The following METTL15 variants were observed in gnomAD, a reference collection of about 807,000 sequenced individuals.
The protein encoded by METTL15 is 12S rRNA N(4)-cytidine methyltransferase METTL15.
In METTL15, 34 loss-of-function variants were observed where a neutral mutation model predicts 38.3. The ratio of observed to expected loss-of-function variants is 0.89; its 90% CI spans 0.68 to 1.18. The LOEUF (loss-of-function observed/expected upper bound fraction) is 1.18. METTL15 is among the 50% of genes most tolerant of loss of function. The pLI is 0.00. For missense variants in METTL15, 438 were observed against 498.4 expected, an observed-to-expected ratio of 0.88 and a Z score of 1.15; for synonymous variants, 162 against 170.9, an observed-to-expected ratio of 0.95 and a Z score of 0.41.
intron 5 of METTL15, among the ~76,000 whole-genome samples, chr11:28,372,686 G>C (rs1021842434): frequency 1.3e-5 from 2 of 149,802 alleles, no homozygotes; most frequent in Middle Eastern, 3.2e-3. Flanking sequence ...AGTTACATAT[G>C]TATACATGTG....
At chr11:28,474,005 TAG>T (rs1851324329) in intron 6 of METTL15, among the ~76,000 whole-genome samples, 1 of 152,016 alleles carries the variant, frequency 6.6e-6, no homozygotes, top group African/African-American at 2.4e-5. Context: ...TGAAAGACTC[TAG>T]AGTATGTCAG....
intron 3 of METTL15, among the ~76,000 whole-genome samples, chr11:28,189,602 C>T (rs1347720235): frequency 2.6e-5 from 4 of 151,094 alleles, no homozygotes; most frequent in African/African-American, 7.3e-5. Flanking sequence ...GTAAATAACA[C>T]AGGCCAGTTT....
chr11:28,244,838 GC>G (rs1854445422), intron 4 of METTL15, among the ~76,000 whole-genome samples: 1 of 152,180 alleles, frequency 6.6e-6, no homozygotes, highest in African/African-American at 2.4e-5. Context: ...CCTGGCTGGG[GC>G]CGAAGCTATG....
At chr11:28,139,979 C>T (rs556131321) in intron 3 of METTL15, among the ~76,000 whole-genome samples, 35 of 152,020 alleles carry the variant, frequency 2.3e-4, no homozygotes, top group African/African-American at 7.2e-4. Flanking sequence ...AGACCCATGG[C>T]GGGAGTTGGT....
intron 6 of METTL15, among the ~76,000 whole-genome samples, chr11:28,514,027 C>T (rs1006938404): frequency 2.6e-5 from 4 of 152,142 alleles, no homozygotes; most frequent in Non-Finnish European, 2.9e-5. Flanking sequence ...TGGAGAAACT[C>T]GAGGGAAGGT....
intron 5 of METTL15, among the ~76,000 whole-genome samples, chr11:28,388,924 A>T (rs532911917): frequency 6.6e-6 from 1 of 151,946 alleles, no homozygotes; most frequent in African/African-American, 2.4e-5. Context: ...GAGTGAGAAC[A>T]TGCAGTGTTC....
chr11:28,245,144 T>C (rs1369507714), intron 4 of METTL15, among the ~76,000 whole-genome samples: 1 of 152,168 alleles, frequency 6.6e-6, no homozygotes, highest in East Asian at 1.9e-4. Context: ...ATGTTAAAAA[T>C]TACAGACAAT....
At chr11:28,468,309 G>A (rs768957088) in intron 6 of METTL15, among the ~76,000 whole-genome samples, 3 of 152,090 alleles carry the variant, frequency 2.0e-5, no homozygotes, top group Non-Finnish European at 4.4e-5. Context: ...CAAGTTGAGG[G>A]TAACTCCCAG....
At chr11:28,163,616 T>A (rs1850551754) in intron 3 of METTL15, 1 of 394,962 alleles carries the variant, frequency 2.5e-6, no homozygotes, top group East Asian at 3.6e-5. Context: ...CTTCAATGAC[T>A]TAGGTAAAAT....
At chr11:28,409,844 T>C (rs1850709999) in intron 5 of METTL15, among the ~76,000 whole-genome samples, 1 of 151,570 alleles carries the variant, frequency 6.6e-6, no homozygotes, top group South Asian at 2.1e-4. Flanking sequence ...AAACCAAGAG[T>C]TGGTTTTTTG....
At chr11:28,388,830 C>G (rs895580733) in intron 5 of METTL15, among the ~76,000 whole-genome samples, 20 of 152,090 alleles carry the variant, frequency 1.3e-4, no homozygotes, top group Middle Eastern at 6.8e-3. Context: ...ATCCCTCCCC[C>G]CTACACCCAC....
At chr11:28,296,970 A>G (rs1468585425) in intron 6 of METTL15, 39 bp downstream of exon 6, 5 of 1,608,818 alleles carry the variant, frequency 3.1e-6, no homozygotes, top group Non-Finnish European at 4.3e-6. Flanking sequence ...AAGAGAAAAA[A>G]TTATATTTAC....
chr11:28,233,677 TGGAG>T (rs1853792616), intron 4 of METTL15, among the ~76,000 whole-genome samples: 2 of 152,150 alleles, frequency 1.3e-5, no homozygotes, highest in African/African-American at 4.8e-5. Flanking sequence ...TTTATTAATT[TGGAG>T]TCAGTCACTC....
rs140951374 is a variant in METTL15 at position 28,440,721 on chromosome 11, A to G, written c.*424+16357A>G. ...TAAATGTCATCATACGTGCACACAT[A>G]AATGCAAACACACACATAGGTACAC... On this transcript the variant is annotated intron_variant and NMD_transcript_variant, in intron 6 of 7. Coordinates refer to the METTL15 transcript ENST00000532947. Among the ~76,000 whole-genome samples the G allele has an allele frequency of 3.3e-3, 496 of 152,358 alleles. 3 individuals carry two copies. The highest frequency in any genetic ancestry group is 0.01 in the Middle Eastern group (3 of 294).
intron 3 of METTL15, chr11:28,145,680 T>A (rs890150245): frequency 1.3e-5 from 2 of 152,020 alleles, no homozygotes; most frequent in Admixed American, 6.6e-5. Context: ...ATTTAAAATT[T>A]AAAAAAATTA....
chr11:28,203,611 G>A (rs1045610742), intron 3 of METTL15, among the ~76,000 whole-genome samples: 3 of 152,014 alleles, frequency 2.0e-5, no homozygotes, highest in African/African-American at 4.8e-5. Context: ...GCCCCAACTA[G>A]CGACCAGGTA....
intron 3 of METTL15, among the ~76,000 whole-genome samples, chr11:28,193,615 C>T (rs558212747): frequency 1.3e-5 from 2 of 152,172 alleles, no homozygotes; most frequent in African/African-American, 4.8e-5. Flanking sequence ...CTTCCACCCC[C>T]ATTCCATAAT....
chr11:28,225,746 T>G (rs1272412005), intron 4 of METTL15, among the ~76,000 whole-genome samples: 2 of 151,880 alleles, frequency 1.3e-5, no homozygotes, highest in African/African-American at 4.8e-5. Context: ...ATCAGGTCTT[T>G]CATCTACAAA....
intron 6 of METTL15, among the ~76,000 whole-genome samples, chr11:28,311,717 A>G (rs773957283): frequency 2.0e-5 from 3 of 152,238 alleles, no homozygotes; most frequent in Non-Finnish European, 4.4e-5. Flanking sequence ...ACCTCAAATG[A>G]TTCTTGGATA....
Sources: gnomAD v4.1 joint callset for allele counts (sites outside exome capture counted in the v4.1 genomes callset) on GRCh38, gnomAD v4.1.1 for gene constraint, MANE v1.5 for transcripts, NCBI Gene and HGNC (gene_info 2026-07-23, HGNC 2026-07-21) for gene names.